CELF4: variants seen among roughly 807,000 people sequenced by gnomAD.
The protein encoded by CELF4 is CUGBP Elav-like family member 4, also known as CUG-BP- and ETR-3-like factor 4.
Under a neutral mutation model 59.9 loss-of-function variants are expected in CELF4, and 18 were observed. The ratio of observed to expected loss-of-function variants is 0.30; its 90% CI spans 0.21 to 0.45. The LOEUF (loss-of-function observed/expected upper bound fraction) is 0.45, where lower values mean the gene tolerates loss of function less well. Ranked by LOEUF, CELF4 falls within the 20% of genes least tolerant of loss-of-function variation. The pLI is 1.00. For synonymous variants in CELF4, 261 were observed against 267.1 expected (o/e 0.98, Z 0.22); for missense variants, 456 against 689.0 (o/e 0.66, Z 3.79).
chr18:37,262,244 T>C (rs1024141298), intron 10 of CELF4, among the ~76,000 whole-genome samples: 1 of 152,170 alleles, frequency 6.6e-6, no homozygotes, highest in Non-Finnish European at 1.5e-5. Flanking sequence ...TGCATTACTC[T>C]TCCCCATCCC....
At chr18:37,275,352 G>C in intron 3 of CELF4, 109 bp from the exon 4 acceptor site, 1 of 1,328,786 alleles carries the variant, frequency 7.5e-7, no homozygotes, top group South Asian at 1.5e-5. Flanking sequence ...CGGGGAGGCG[G>C]GGCGGGGGCT....
chr18:37,307,607 G>A (rs1050531121), intron 3 of CELF4, among the ~76,000 whole-genome samples: 2 of 152,118 alleles, frequency 1.3e-5, no homozygotes, highest in African/African-American at 2.4e-5. Context: ...GGGCTGGGGG[G>A]TGGGGAGACG....
In CELF4 at chr18:37,249,149, A is replaced by G. The variant is rs1383410144; in HGVS notation, c.*45-3952T>C. ...TTCCAACACTGGATCTCCTTCCCCC[A>G]GATCAGGGACCGTCCCATGCCCACC... is the stretch of plus-strand genomic sequence containing the variant. On this transcript the variant is annotated intron_variant, in intron 12 of 12. Transcript: ENST00000420428. 2.6e-5 allele frequency among the ~76,000 whole-genome samples: 4 copies of G among 152,122 alleles called. No individual in the cohort carries two copies. In the East Asian group the frequency reaches 7.8e-4, roughly 30 times the overall value.
chr18:37,476,762 C>T (rs913884897), intron 2 of CELF4, among the ~76,000 whole-genome samples: 4 of 152,268 alleles, frequency 2.6e-5, no homozygotes, highest in Middle Eastern at 3.4e-3. Flanking sequence ...CGTTTTCTGG[C>T]GAAAGGTCAA....
intron 1 of CELF4, among the ~76,000 whole-genome samples, chr18:37,541,735 G>T (rs1193097649): frequency 6.6e-6 from 1 of 151,614 alleles, no homozygotes; most frequent in East Asian, 2.0e-4. Flanking sequence ...GCCCATTCCT[G>T]CCTCCGGGCC....
intron 3 of CELF4, among the ~76,000 whole-genome samples, chr18:37,288,873 T>C (rs1662926): frequency 0.52 from 79,715 of 151,952 alleles, 22,056 homozygotes; most frequent in African/African-American, 0.7. Context: ...TGTTAGAGAA[T>C]AGAGAACAGA....
chr18:37,480,314 C>T (rs1263734475), intron 2 of CELF4, among the ~76,000 whole-genome samples: 1 of 152,196 alleles, frequency 6.6e-6, no homozygotes, highest in African/African-American at 2.4e-5. Flanking sequence ...AAAACCAACA[C>T]TGTGCCTACA....
chr18:37,302,960 G>C (rs1204436509), intron 3 of CELF4, among the ~76,000 whole-genome samples: 3 of 152,138 alleles, frequency 2.0e-5, no homozygotes, highest in African/African-American at 7.2e-5. Context: ...TGGGAGAGGA[G>C]AGTGGGAAGG....
chr18:37,535,971 C>T (rs1284694614), intron 1 of CELF4, among the ~76,000 whole-genome samples: 1 of 152,180 alleles, frequency 6.6e-6, no homozygotes, highest in African/African-American at 2.4e-5. Flanking sequence ...CATCCATCTC[C>T]CTCCCCACGC....
intron 2 of CELF4, among the ~76,000 whole-genome samples, chr18:37,440,309 C>T (rs1238474079): frequency 8.5e-5 from 13 of 152,112 alleles, no homozygotes; most frequent in Admixed American, 7.2e-4. Flanking sequence ...CCTGGAGCTC[C>T]GAGGACATCC....
chr18:37,538,747 A>G (rs916013019), intron 1 of CELF4, among the ~76,000 whole-genome samples: 1 of 152,206 alleles, frequency 6.6e-6, no homozygotes, highest in African/African-American at 2.4e-5. Flanking sequence ...TAGCGAATAT[A>G]GAAAGCAATT....
intron 1 of CELF4, among the ~76,000 whole-genome samples, chr18:37,557,113 A>G (rs764840494): frequency 6.6e-5 from 10 of 152,228 alleles, no homozygotes; most frequent in Non-Finnish European, 1.2e-4. Context: ...CGACAGTAGC[A>G]CAGGTGCTCA....
chr18:37,260,657 T>G (rs2073723950), intron 10 of CELF4, among the ~76,000 whole-genome samples: 1 of 152,232 alleles, frequency 6.6e-6, no homozygotes, highest in African/African-American at 2.4e-5. Flanking sequence ...AGGTTCGATT[T>G]AGAGACTCTG....
chr18:37,290,034 T>G (rs777691798), intron 3 of CELF4, among the ~76,000 whole-genome samples: 1 of 151,822 alleles, frequency 6.6e-6, no homozygotes, highest in African/African-American at 2.4e-5. Context: ...GGAAGAGAAG[T>G]GGAGGAGGCA....
chr18:37,555,732 G>C (rs1300484130), intron 1 of CELF4, among the ~76,000 whole-genome samples: 2 of 152,200 alleles, frequency 1.3e-5, no homozygotes, highest in Non-Finnish European at 2.9e-5. Flanking sequence ...ATTGCTTTAA[G>C]AGGTATTGAT....
chr18:37,470,861 TGTGTGTGTGTG>T, intron 2 of CELF4, among the ~76,000 whole-genome samples: 1 of 122,966 alleles, frequency 8.1e-6, no homozygotes, highest in East Asian at 2.7e-4. Context: ...TGTGTGTGTG[TGTGTGTGTGTG>T]TGTGTGTGTG....
chr18:37,490,290 A>G (rs185406780), intron 1 of CELF4, among the ~76,000 whole-genome samples: 29 of 152,182 alleles, frequency 1.9e-4, no homozygotes, highest in East Asian at 5.8e-4. Flanking sequence ...GTAGGGGGGT[A>G]TGTTTCCTAT....
intron 3 of CELF4, chr18:37,276,329 C>T (rs891285524): frequency 6.6e-6 from 1 of 152,248 alleles, no homozygotes; most frequent in African/African-American, 2.4e-5. Flanking sequence ...GACTGCCACT[C>T]CTCTCACTGA....
In CELF4 at chr18:37,264,569, C is replaced by T. The variant is rs149105240; in HGVS notation, c.1249+105G>A. On this transcript the variant is annotated intron_variant, in intron 10 of 12. Transcript: ENST00000420428. ...TGCCCACCTCAACACAGCACACAAA[C>T]GTGGTCACCTTTCCAACGCACACCC... The T allele has an allele frequency of 1.7e-4, 155 of 905,548 alleles. 1 individual carries two copies. The African/African-American group carries it at 2.0e-3, about 12-fold the overall frequency. 56.1% of individuals were successfully genotyped at this position (905,548 alleles called of 1,614,324 possible).
Sources: gnomAD v4.1 joint callset for allele counts (sites outside exome capture counted in the v4.1 genomes callset) on GRCh38, gnomAD v4.1.1 for gene constraint, MANE v1.5 for transcripts, NCBI Gene and HGNC (gene_info 2026-07-23, HGNC 2026-07-21) for gene names.